TIPARP: variants seen among roughly 807,000 people sequenced by gnomAD.
TIPARP encodes the protein TCDD inducible poly(ADP-ribose) polymerase, also known as protein mono-ADP-ribosyltransferase TIPARP.
A neutral mutation model predicts 56.5 loss-of-function variants in TIPARP; 12 were observed. That is an observed-to-expected ratio of 0.21 (90% CI 0.14 to 0.34). The LOEUF (loss-of-function observed/expected upper bound fraction) is 0.34, where lower values mean the gene tolerates loss of function less well. TIPARP is among the 10% of genes least tolerant of loss of function. The pLI is 1.00. For missense variants in TIPARP, 604 were observed against 781.6 expected, an observed-to-expected ratio of 0.77 and a Z score of 2.71; for synonymous variants, 296 against 265.7, an observed-to-expected ratio of 1.11 and a Z score of -1.11.
chr3:156,703,667 A>C lies in TIPARP; in HGVS notation c.1491A>C (p.Arg497Ser). 6.2e-7 allele frequency: 1 copy of C among 1,613,620 alleles called. No homozygotes were observed. Reference protein sequence around the residue: ...EFKYRILQILRVQNQFLWEKY... With the variant: ...EFKYRILQILSVQNQFLWEKY... ...AATACAGAATTTTGCAGATATTGAG[A>C]GTCCAAAACCAGTTTCTTTGGGAGA... Residue 497 changes from arginine (R) to serine (S), a missense_variant, in exon 5 of 6, where the codon AGA (arginine) becomes AGC (serine). By Grantham distance (110) the Arg-to-Ser change is moderately radical (BLOSUM62 -1). This residue lies in a region of TIPARP where 252 missense variants were observed against 303.9 expected (regional missense o/e 0.83). Transcript: ENST00000295924.
In TIPARP at chr3:156,705,039, G is replaced by A; in HGVS notation, c.1882G>A (p.Glu628Lys). 6.2e-7 allele frequency: 1 copy of A among 1,614,098 alleles called. No individual in the cohort carries two copies. Among genetic ancestry groups the A allele is most frequent in the South Asian group, 1.1e-5 (1 of 91,062 alleles). Residue 628 changes from glutamate (E) to lysine (K), a missense_variant, in exon 6 of 6, where the codon GAG (glutamate) becomes AAG (lysine). Glu to Lys is a moderately conservative substitution (Grantham distance 56). This residue lies in a region of TIPARP where 77 missense variants were observed against 161.0 expected (regional missense o/e 0.48). Transcript: ENST00000295924. ...TGACTCTTGTGTGGATAATTTCTTT[G>A]AGCCTCAGATTTTTGTCATTTTTAA... Reference protein sequence around the residue: ...LYDSCVDNFFEPQIFVIFNDD... With the variant: ...LYDSCVDNFFKPQIFVIFNDD...
intron 2 of TIPARP, among the ~76,000 whole-genome samples, chr3:156,686,217 T>G (rs892997013): frequency 6.6e-6 from 1 of 152,216 alleles, no homozygotes; most frequent in South Asian, 2.1e-4. Flanking sequence ...AGAAGCATTA[T>G]GTAAAGTGTT....
At chr3:156,704,576 T>G (rs1012295173) in intron 5 of TIPARP, 108 bp from the exon 6 acceptor site, 75 of 1,210,620 alleles carry the variant, frequency 6.2e-5, no homozygotes, top group Non-Finnish European at 8.3e-5. Context: ...CATTTTGCCC[T>G]TGATAACTCC....
rs1389152742 is a variant in TIPARP at position 156,703,518 on chromosome 3, T to C, written c.1342T>C (p.Phe448Leu). The C allele has an allele frequency of 6.2e-7, 1 of 1,614,212 alleles. No homozygotes were observed. Among genetic ancestry groups the C allele is most frequent in the Non-Finnish European group, 8.5e-7 (1 of 1,180,038 alleles). ...ICPDGVTSAN[F>L]YPETWVYMHP... is the part of the protein sequence containing the mutation. The stretch of plus-strand genomic sequence containing the variant: ...CCCAGATGGGGTCACTTCAGCAAAC[T>C]TTTACCCTGAAACTTGGGTTTATAT... Residue 448 changes from phenylalanine to leucine, a missense_variant, in exon 5 of 6, where the codon TTT becomes CTT. Physicochemically the swap from Phe to Leu is conservative, Grantham distance 22. Coordinates refer to ENST00000295924, the MANE Select transcript of TIPARP (RefSeq NM_015508.5).
intron 2 of TIPARP, among the ~76,000 whole-genome samples, chr3:156,689,387 A>G (rs1286110794): frequency 1.3e-5 from 2 of 152,148 alleles, no homozygotes; most frequent in Admixed American, 6.6e-5. Context: ...CTTTCATCAT[A>G]TGTCTCTTGT....
At position 156,705,195 on chromosome 3, in the gene TIPARP, ATGGGTGGGAC is replaced by A; in HGVS notation, c.*73_*82del. 4.5e-6 allele frequency: 2 copies of A among 441,706 alleles called. No individual in the cohort carries two copies. The highest frequency in any genetic ancestry group is 8.8e-6 in the Non-Finnish European group (2 of 228,298). The allele number at this position is 441,706 out of a possible 1,614,324, so 27.4% of individuals were successfully genotyped here. A position where few individuals can be genotyped will look rare whatever the true frequency, so the allele number is the denominator to read the frequency against. ...ATCCAGCATTTGTAGCAGGTTTTGAATGGGTGGGACTGGGTGGGGAACAGCATTGGACATT... is the reference window on the plus strand; with the variant it reads ...ATCCAGCATTTGTAGCAGGTTTTGAATGGGTGGGGAACAGCATTGGACATT... On this transcript the variant is annotated 3_prime_UTR_variant, in exon 6 of 6. Transcript: ENST00000295924.
intron 3 of TIPARP, 63 bp downstream of exon 3, chr3:156,694,251 T>TTTC: frequency 3.5e-6 from 5 of 1,434,922 alleles, no homozygotes; most frequent in Non-Finnish European, 4.7e-6. Flanking sequence ...TCCTGTATTC[T>TTTC]TTTATTCTTT....
At chr3:156,693,672 A>C (rs1438023563) in intron 2 of TIPARP, among the ~76,000 whole-genome samples, 2 of 152,196 alleles carry the variant, frequency 1.3e-5, no homozygotes, top group African/African-American at 4.8e-5. Context: ...TTCTACATAT[A>C]GCATCATAGT....
chr3:156,691,614 A>G (rs530296234), intron 2 of TIPARP, among the ~76,000 whole-genome samples: 1 of 152,242 alleles, frequency 6.6e-6, no homozygotes. Flanking sequence ...GCTGTTGAAC[A>G]TTTGGCACCC....
chr3:156,693,945 G>C (rs989309761), intron 2 of TIPARP, 75 bp from the exon 3 acceptor site: 2 of 1,442,258 alleles, frequency 1.4e-6, no homozygotes, highest in Admixed American at 5.1e-5. Context: ...AATGTCCAAT[G>C]ATATTTTTAG....
At chr3:156,683,931 G>A (rs1366112309) in intron 2 of TIPARP, among the ~76,000 whole-genome samples, 2 of 152,146 alleles carry the variant, frequency 1.3e-5, no homozygotes, top group Non-Finnish European at 2.9e-5. Flanking sequence ...TCCTTTGTCT[G>A]ATGGTGATGA....
chr3:156,686,424 T>C (rs952949004), intron 2 of TIPARP, among the ~76,000 whole-genome samples: 1 of 152,220 alleles, frequency 6.6e-6, no homozygotes, highest in Admixed American at 6.5e-5. Flanking sequence ...CTAGGAAGTC[T>C]TTTTCTCTAG....
At chr3:156,682,164 C>A (rs527483893) in intron 2 of TIPARP, among the ~76,000 whole-genome samples, 94 of 152,312 alleles carry the variant, frequency 6.2e-4, no homozygotes, top group African/African-American at 2.2e-3. Flanking sequence ...TTATTTCCAC[C>A]TGTCAAGAAG....
chr3:156,705,395 G>A lies in TIPARP; in HGVS notation c.*264G>A. The A allele has an allele frequency of 3.4e-6, 1 of 297,102 alleles. No individual in the cohort carries two copies. The highest frequency in any genetic ancestry group is 6.3e-6 in the Non-Finnish European group (1 of 159,568). 18.4% of individuals were successfully genotyped at this position (297,102 alleles called of 1,614,324 possible). On this transcript the variant is annotated 3_prime_UTR_variant, in exon 6 of 6. Coordinates refer to ENST00000295924, the MANE Select transcript of TIPARP (RefSeq NM_015508.5). The stretch of plus-strand genomic sequence containing the variant: ...TTACACACTCTTTTCATTCACACTT[G>A]TACATATAGACAGCAATGTTATTAG...
chr3:156,688,546 T>C (rs1482811596), intron 2 of TIPARP, among the ~76,000 whole-genome samples: 1 of 149,800 alleles, frequency 6.7e-6, no homozygotes, highest in Non-Finnish European at 1.5e-5. Flanking sequence ...AAATCTTAAG[T>C]AGCAACAGAA....
chr3:156,689,954 T>C (rs1241580086), intron 2 of TIPARP, among the ~76,000 whole-genome samples: 1 of 152,214 alleles, frequency 6.6e-6, no homozygotes, highest in Non-Finnish European at 1.5e-5. Context: ...CTTCACACTA[T>C]GCTGCAAGGT....
At position 156,678,632 on chromosome 3, in the gene TIPARP, C is replaced by T. The variant is rs765966860; in HGVS notation, c.917+18C>T. On this transcript the variant is annotated intron_variant, in intron 2 of 5. Transcript: ENST00000295924. ...AAGTATGGGTATGTATTTATAACAA[C>T]TTGTAGAACTGTTGTTAAATGCTAT... 11 of 1,592,038 alleles carry T rather than the reference C, an allele frequency of 6.9e-6. No homozygotes were observed. Among genetic ancestry groups the T allele is most frequent in the Middle Eastern group, 1.7e-4 (1 of 5,944 alleles).
In TIPARP at chr3:156,704,999, C is replaced by T. The variant is rs1388604652; in HGVS notation, c.1842C>T (p.Val614=). ...RRPPPVNPGS[V]TSDLYDSCVD... ...CCCCGCCAGTCAATCCTGGCAGTGT[C>T]ACCAGTGACCTTTATGACTCTTGTG... Residue 614 remains valine (V), a synonymous_variant, in exon 6 of 6, where the codon GTC becomes GTT. Coordinates refer to ENST00000295924, the MANE Select transcript of TIPARP (RefSeq NM_015508.5). 1 of 1,614,216 alleles carries T rather than the reference C, an allele frequency of 6.2e-7. No homozygotes were observed. Among genetic ancestry groups the T allele is most frequent in the South Asian group, 1.1e-5 (1 of 91,082 alleles).
intron 2 of TIPARP, chr3:156,681,166 C>T (rs896791388): frequency 2.2e-6 from 1 of 456,626 alleles, no homozygotes; most frequent in Admixed American, 2.3e-5. Context: ...CTGAGAGATT[C>T]ACAAACAAGC....
Sources: gnomAD v4.1 joint callset for allele counts (sites outside exome capture counted in the v4.1 genomes callset) on GRCh38, gnomAD v4.1.1 for gene constraint, gnomAD v4.1.1 regional missense constraint, MANE v1.5 for transcripts, NCBI Gene and HGNC (gene_info 2026-07-23, HGNC 2026-07-21) for gene names.